PDE1C: variants seen among roughly 807,000 people sequenced by gnomAD.
PDE1C encodes the protein dual specificity calcium/calmodulin-dependent 3',5'-cyclic nucleotide phosphodiesterase 1C.
In PDE1C, 62 loss-of-function variants were observed where a neutral mutation model predicts 93.1. The ratio of observed to expected loss-of-function variants is 0.67; its 90% CI spans 0.54 to 0.82. The LOEUF (loss-of-function observed/expected upper bound fraction) is 0.82. PDE1C is among the 40% of genes least tolerant of loss of function. The pLI is 0.00. For missense variants in PDE1C, 742 were observed against 884.6 expected (o/e 0.84, Z 2.04); for synonymous variants, 325 against 310.1 (o/e 1.05, Z -0.50).
At chr7:31,953,867 T>A (rs1807752095) in intron 2 of PDE1C, among the ~76,000 whole-genome samples, 1 of 152,082 alleles carries the variant, frequency 6.6e-6, no homozygotes, top group South Asian at 2.1e-4. Context: ...CCAGTATGAG[T>A]AGAGCTGGAG....
At chr7:32,313,178 G>C (rs934733403) in intron 1 of PDE1C, among the ~76,000 whole-genome samples, 8 of 152,132 alleles carry the variant, frequency 5.3e-5, no homozygotes, top group African/African-American at 1.7e-4. Context: ...GGCCATCAGA[G>C]AAATGCAAAT....
In PDE1C at chr7:32,329,397, T is replaced by C. The variant is rs559315769; in HGVS notation, c.310+98425A>G. On this transcript the variant is annotated intron_variant, in intron 1 of 1. Coordinates refer to the PDE1C transcript ENST00000672256. The stretch of plus-strand genomic sequence containing the variant: ...CACCTATTATGGAGGCGATAGACCC[T>C]GTGTACTCTTCAACAGAGACCACCT... Among the ~76,000 whole-genome samples, 6 of 152,260 alleles carry C rather than the reference T, an allele frequency of 3.9e-5. No individual in the cohort carries two copies. The South Asian group carries it at 1.0e-3, about 26-fold the overall frequency.
At chr7:32,262,232 C>G (rs113448340) in intron 1 of PDE1C, among the ~76,000 whole-genome samples, 15 of 152,120 alleles carry the variant, frequency 9.9e-5, no homozygotes, top group African/African-American at 3.6e-4. Context: ...TGATTCCCAC[C>G]TCCACTTTAT....
chr7:31,699,923 C>T, the PDE1C span, among the ~76,000 whole-genome samples: 2 of 152,032 alleles, frequency 1.3e-5, no homozygotes, highest in African/African-American at 4.8e-5. Flanking sequence ...GTGGTGTATG[C>T]GTTCTGTCTG....
chr7:32,000,905 C>A (rs1480564824), intron 2 of PDE1C, among the ~76,000 whole-genome samples: 1 of 152,122 alleles, frequency 6.6e-6, no homozygotes, highest in African/African-American at 2.4e-5. Context: ...TTAAACTCAT[C>A]CCTGAAAAGG....
chr7:32,022,040 C>T (rs952442135), intron 2 of PDE1C, among the ~76,000 whole-genome samples: 1 of 151,798 alleles, frequency 6.6e-6, no homozygotes, highest in Non-Finnish European at 1.5e-5. Flanking sequence ...AATTAGGTTG[C>T]CTTAGGAACC....
At chr7:32,187,185 G>C (rs907040326) in intron 2 of PDE1C, among the ~76,000 whole-genome samples, 2 of 151,308 alleles carry the variant, frequency 1.3e-5, no homozygotes, top group African/African-American at 4.9e-5. Flanking sequence ...TCAGAGACAA[G>C]GTCTCACTAT....
chr7:31,916,333 A>G (rs1583949391), intron 2 of PDE1C, among the ~76,000 whole-genome samples: 1 of 152,338 alleles, frequency 6.6e-6, no homozygotes, highest in Non-Finnish European at 1.5e-5. Flanking sequence ...TGATTGTCAA[A>G]TAAAATTGAA....
At chr7:31,643,932 TAC>T in the PDE1C span, 43 of 1,612,164 alleles carry the variant, frequency 2.7e-5, no homozygotes, top group Non-Finnish European at 3.6e-5. Context: ...TTCAGGACAC[TAC>T]AGTGAGGGAG....
rs560181693 is a variant in PDE1C, at chr7:31,776,599, C to T, written c.1892-867G>A. ...TTGTATATATGTATGTGGGTGTGTACGTATATACATACGCATATATTTACG... is the reference window on the plus strand; with the variant it reads ...TTGTATATATGTATGTGGGTGTGTATGTATATACATACGCATATATTTACG... On this transcript the variant is annotated intron_variant, in intron 16 of 17. Coordinates refer to ENST00000396191, the MANE Select transcript of PDE1C (RefSeq NM_001191057.4). Among the ~76,000 whole-genome samples the T allele has an allele frequency of 4.0e-3, 610 of 152,126 alleles. 1 individual carries two copies. Among genetic ancestry groups the T allele is most frequent in the Non-Finnish European group, 7.2e-3 (492 of 68,004 alleles).
chr7:32,424,466 T>C (rs1379597617), intron 1 of PDE1C, among the ~76,000 whole-genome samples: 4 of 152,134 alleles, frequency 2.6e-5, no homozygotes, highest in Admixed American at 6.5e-5. Flanking sequence ...TGGAACAAGA[T>C]AAAACTTTCA....
intron 2 of PDE1C, among the ~76,000 whole-genome samples, chr7:32,191,777 T>A (rs1241777891): frequency 1.3e-5 from 2 of 152,184 alleles, no homozygotes; most frequent in Non-Finnish European, 2.9e-5. Context: ...ATGTTTAGCT[T>A]TTTAAGATAC....
intron 16 of PDE1C, chr7:31,787,298 C>T (rs1401084141): frequency 4.6e-5 from 7 of 152,088 alleles, no homozygotes; most frequent in Non-Finnish European, 1.0e-4. Context: ...CAAATGTTTT[C>T]GGTAGTTTAT....
At chr7:32,397,313 T>C (rs1046703501) in intron 1 of PDE1C, among the ~76,000 whole-genome samples, 1 of 152,072 alleles carries the variant, frequency 6.6e-6, no homozygotes, top group African/African-American at 2.4e-5. Context: ...ACAGAAAACT[T>C]AAACAAAAAT....
At chr7:32,267,586 A>ACACACTCTCT (rs1442508353) in intron 1 of PDE1C, among the ~76,000 whole-genome samples, 1 of 117,536 alleles carries the variant, frequency 8.5e-6, no homozygotes, top group East Asian at 2.3e-4. Flanking sequence ...ACACACACAC[A>ACACACTCTCT]CTCTCTCTCT....
At chr7:32,176,057 A>C (rs75092513) in intron 2 of PDE1C, among the ~76,000 whole-genome samples, 2,515 of 152,342 alleles carry the variant, frequency 0.017, 87 homozygotes, top group African/African-American at 0.057. Flanking sequence ...GTGTTGAATA[A>C]GATCTTTGAC....
intron 1 of PDE1C, among the ~76,000 whole-genome samples, chr7:32,228,495 G>A (rs1807457717): frequency 1.3e-5 from 2 of 152,250 alleles, no homozygotes; most frequent in South Asian, 4.1e-4. Context: ...TTGTCCGAGG[G>A]CACCCAGCTA....
intron 1 of PDE1C, among the ~76,000 whole-genome samples, chr7:32,383,863 C>T (rs1784577742): frequency 6.6e-6 from 1 of 152,228 alleles, no homozygotes; most frequent in Admixed American, 6.5e-5. Context: ...CAGTGAAAGC[C>T]TTGGCAAGTT....
At chr7:31,626,649 C>G in the PDE1C span, among the ~76,000 whole-genome samples, 1 of 152,138 alleles carries the variant, frequency 6.6e-6, no homozygotes, top group African/African-American at 2.4e-5. Context: ...TGACACCATG[C>G]TGTAAAGGAG....
Sources: allele counts gnomAD v4.1 joint callset (sites outside exome capture counted in the v4.1 genomes callset), GRCh38; gene constraint gnomAD v4.1.1; transcripts MANE v1.5; gene names NCBI Gene and HGNC (gene_info 2026-07-23, HGNC 2026-07-21).